Variants in SLC35B1 observed in about 807,000 individuals in gnomAD.
The protein encoded by SLC35B1 is ATP/ADP exchanger ER.
SLC35B1 carries 27 observed loss-of-function variants against 36.6 expected under a neutral mutation model. The ratio of observed to expected loss-of-function variants is 0.74; its 90% CI spans 0.54 to 1.02. The LOEUF (loss-of-function observed/expected upper bound fraction) is 1.02. SLC35B1 is among the 50% of genes least tolerant of loss of function. The pLI, the probability that SLC35B1 is intolerant of heterozygous loss-of-function variation, is 0.00. For missense variants in SLC35B1, 321 were observed against 383.2 expected, an observed-to-expected ratio of 0.84 and a Z score of 1.35; for synonymous variants, 162 against 152.5, an observed-to-expected ratio of 1.06 and a Z score of -0.46.
rs2073369429 is a variant in SLC35B1, at chr17:49,702,951, T to C, written c.823A>G (p.Thr275Ala). The change falls in exon 8 of 9, where the codon ACT becomes GCT. Residue 275 changes from threonine (T) to alanine (A), a missense_variant. Coordinates refer to ENST00000240333, the MANE Select transcript of SLC35B1 (RefSeq NM_005827.4). ...GPLTCSIITT[T>A]RKFFTILASV... The stretch of plus-strand genomic sequence containing the variant: ...GCCAAAATTGTGAAGAACTTTCGAG[T>C]TGTAGTGATGATGGAGCAGGTCAGG... The C allele has an allele frequency of 6.2e-7, 1 of 1,613,894 alleles. No homozygotes were observed. Among genetic ancestry groups the C allele is most frequent in the Non-Finnish European group, 8.5e-7 (1 of 1,179,924 alleles).
At chr17:49,706,373 A>AAAT in intron 2 of SLC35B1, 39 bp from the exon 3 acceptor site, 1 of 1,156,942 alleles carries the variant, frequency 8.6e-7, no homozygotes, top group Non-Finnish European at 1.1e-6. Context: ...AAAGAAAAGA[A>AAAT]AAGAAAAAAA....
At chr17:49,704,970 A>G (rs1209239960) in intron 5 of SLC35B1, 154 bp downstream of exon 5, 58 of 664,482 alleles carry the variant, frequency 8.7e-5, no homozygotes, top group Admixed American at 1.4e-4. Context: ...CTATGGCATT[A>G]ATAGAGTCAG....
At chr17:49,701,815 T>A (rs1295492096) in intron 8 of SLC35B1, 2 of 343,022 alleles carry the variant, frequency 5.8e-6, no homozygotes, top group East Asian at 1.3e-4. Context: ...TATGGCTGAA[T>A]GTGGTGACTC....
intron 8 of SLC35B1, 123 bp from the exon 9 acceptor site, chr17:49,701,633 C>G: frequency 1.4e-6 from 1 of 709,070 alleles, no homozygotes; most frequent in South Asian, 1.6e-5. Context: ...AAATACATGT[C>G]AGAACACTGG....
intron 5 of SLC35B1, among the ~76,000 whole-genome samples, chr17:49,704,742 C>T (rs569267079): frequency 6.6e-6 from 1 of 152,258 alleles, no homozygotes; most frequent in South Asian, 2.1e-4. Context: ...ACATGTAAAA[C>T]ACTCGGAACA....
chr17:49,705,990 C>T, intron 3 of SLC35B1, 94 bp from the exon 4 acceptor site: 1 of 1,380,904 alleles, frequency 7.2e-7, no homozygotes, highest in South Asian at 1.2e-5. Context: ...AAGCACAGGG[C>T]CTGCACCAGA....
rs1249950950 is a variant in SLC35B1 at position 49,701,181 on chromosome 17, T to C, written c.*277A>G. 1.1e-5 allele frequency: 4 copies of C among 375,816 alleles called. No homozygotes were observed. The highest frequency in any genetic ancestry group is 2.0e-5 in the African/African-American group (1 of 49,066). 23.3% of individuals were successfully genotyped at this position (375,816 alleles called of 1,614,324 possible). A position where few individuals can be genotyped will look rare whatever the true frequency, so the allele number is the denominator to read the frequency against. On this transcript the variant is annotated 3_prime_UTR_variant, in exon 9 of 9. Transcript: ENST00000240333. ...CACTCAACCATGCTAACCACACCCG[T>C]GAGAGGAGCAGCCTGGGTAATGAAC...
chr17:49,706,173 A>G, intron 3 of SLC35B1, 31 bp downstream of exon 3: 1 of 1,576,584 alleles, frequency 6.3e-7, no homozygotes, highest in Non-Finnish European at 8.6e-7. Context: ...ATGATATCTG[A>G]GCCAACCATC....
intron 8 of SLC35B1, 58 bp from the exon 9 acceptor site, chr17:49,701,568 A>T (rs1046053431): frequency 1.4e-6 from 2 of 1,472,564 alleles, no homozygotes; most frequent in African/African-American, 2.8e-5. Flanking sequence ...CTTACCAATG[A>T]TTGTGGTGGG....
At chr17:49,706,054 G>GT (rs1179837823) in intron 3 of SLC35B1, 150 bp downstream of exon 3, 10 of 1,294,202 alleles carry the variant, frequency 7.7e-6, no homozygotes, top group Non-Finnish European at 1.1e-5. Context: ...ACCACTAAAC[G>GT]TAAGTTCTAT....
intron 6 of SLC35B1, 77 bp from the exon 7 acceptor site, chr17:49,703,371 CACA>C: frequency 3.4e-6 from 3 of 870,232 alleles, no homozygotes; most frequent in African/African-American, 1.7e-5. Context: ...CACACACACA[CACA>C]CAGACACTCC....
chr17:49,704,328 C>A, intron 5 of SLC35B1, 102 bp from the exon 6 acceptor site: 1 of 1,402,088 alleles, frequency 7.1e-7, no homozygotes, highest in Non-Finnish European at 9.8e-7. Flanking sequence ...AAAGCCACTG[C>A]CTTTAAAGTC....
At chr17:49,701,640 C>A in intron 8 of SLC35B1, 130 bp from the exon 9 acceptor site, 1 of 678,814 alleles carries the variant, frequency 1.5e-6, no homozygotes, top group South Asian at 1.7e-5. Context: ...TGTCAGAACA[C>A]TGGTTTTATG....
chr17:49,707,307 A>G, intron 1 of SLC35B1: 4 of 1,448,094 alleles, frequency 2.8e-6, no homozygotes, highest in Non-Finnish European at 3.7e-6. Flanking sequence ...AAAGACGGAG[A>G]GGAAACATGC....
At chr17:49,708,067 C>G (rs1460613836), upstream of SLC35B1, 2 of 861,728 alleles carry the variant, frequency 2.3e-6, no homozygotes. Context: ...AGAAAACCCG[C>G]CCTGGGACCT....
In SLC35B1 at chr17:49,707,753, G is replaced by A. The variant is rs1234251543; in HGVS notation, c.81C>T (p.Tyr27=). 10 of 1,611,932 alleles carry A rather than the reference G, an allele frequency of 6.2e-6. No homozygotes were observed. The highest frequency in any genetic ancestry group is 2.7e-5 in the African/African-American group (2 of 74,868). Residue 27 remains tyrosine (Y), a synonymous_variant, in exon 1 of 9, where the codon TAC becomes TAT. Coordinates refer to ENST00000240333, the MANE Select transcript of SLC35B1 (RefSeq NM_005827.4). ...ACATCTTTTCCTGCAGGATCCCATA[G>A]TAAAAATAGCAGACAAAGACACCCA... is the stretch of plus-strand genomic sequence containing the variant. ...CFLGVFVCYF[Y]YGILQEKITR... is the part of the protein sequence containing the mutation.
At chr17:49,706,176 C>A (rs778507742) in intron 3 of SLC35B1, 28 bp downstream of exon 3, 179 of 1,579,922 alleles carry the variant, frequency 1.1e-4, no homozygotes, top group Admixed American at 1.6e-4. Flanking sequence ...ATATCTGAGC[C>A]AACCATCATC....
intron 6 of SLC35B1, chr17:49,703,543 T>A: frequency 2.3e-6 from 1 of 432,092 alleles, no homozygotes; most frequent in Non-Finnish European, 4.3e-6. Context: ...ATGAGTTACT[T>A]CTACCAAAGT....
chr17:49,706,358 A>G, intron 2 of SLC35B1, 24 bp from the exon 3 acceptor site: 2 of 1,325,710 alleles, frequency 1.5e-6, no homozygotes, highest in Admixed American at 3.1e-5. Flanking sequence ...AAAAAAAAAA[A>G]AAAAAAAGAA....
Sources: gnomAD v4.1 joint callset for allele counts (sites outside exome capture counted in the v4.1 genomes callset) on GRCh38, gnomAD v4.1.1 for gene constraint, MANE v1.5 for transcripts, NCBI Gene and HGNC (gene_info 2026-07-23, HGNC 2026-07-21) for gene names.